DMD: variants seen among roughly 807,000 people sequenced by gnomAD.
DMD encodes the protein dystrophin, also known as mutant dystrophin.
Under a neutral mutation model 330.1 loss-of-function variants are expected in DMD, and 63 were observed. That is an observed-to-expected ratio of 0.19 (90% CI 0.16 to 0.24). DMD has a LOEUF of 0.24. Ranked by LOEUF, DMD falls within the 10% of genes least tolerant of loss-of-function variation. The pLI is 1.00. For missense variants in DMD, 3,344 were observed against 2,684.1 expected (o/e 1.25, Z -5.43); for synonymous variants, 1,223 against 959.8 (o/e 1.27, Z -5.07).
intron 33 of DMD, among the ~76,000 whole-genome samples, chrX:32,384,124 A>G (rs2097942752): frequency 1.8e-5 from 2 of 110,685 alleles, no homozygotes; most frequent in African/African-American, 6.5e-5. Context: ...AAAATTTATA[A>G]TTACAAAAAC....
rs141849060 is a variant in DMD at position 31,582,605 on chromosome X, T to C, written c.8217+45068A>G. Among the ~76,000 whole-genome samples, 776 of 112,201 alleles carry C rather than the reference T, an allele frequency of 6.9e-3. 7 individuals carry two copies. Among genetic ancestry groups the C allele is most frequent in the African/African-American group, 0.024 (746 of 30,918 alleles). ...GATACGAATAGTAATAGCATCATCA[T>C]CAGCAGTTATAGTGACTATTCTTTA... On this transcript the variant is annotated intron_variant, in intron 55 of 78. Transcript: ENST00000357033.
intron 29 of DMD, among the ~76,000 whole-genome samples, chrX:32,418,312 C>A (rs909281944): frequency 9.0e-6 from 1 of 111,329 alleles, no homozygotes; most frequent in African/African-American, 3.3e-5. Flanking sequence ...ACATCCAGAT[C>A]ATCTAGAATG....
At chrX:31,845,409 CT>C (rs1441115536) in intron 48 of DMD, among the ~76,000 whole-genome samples, 30 of 105,259 alleles carry the variant, frequency 2.9e-4, no homozygotes, top group African/African-American at 9.3e-4. Flanking sequence ...CTCTCTCTCT[CT>C]CTCTCTCTCT....
intron 52 of DMD, among the ~76,000 whole-genome samples, chrX:31,706,305 C>G (rs2053064824): frequency 1.8e-5 from 2 of 109,477 alleles, no homozygotes; most frequent in African/African-American, 3.3e-5. Context: ...AAGATTTCCA[C>G]TTAAAATTTA....
chrX:31,386,785 G>T (rs1305347447), intron 60 of DMD, among the ~76,000 whole-genome samples: 2 of 112,059 alleles, frequency 1.8e-5, no homozygotes, highest in Non-Finnish European at 3.8e-5. Flanking sequence ...TCAAGTAGTT[G>T]TGACTGTCAT....
chrX:31,929,944 G>A (rs1041308629), intron 46 of DMD, among the ~76,000 whole-genome samples, 199 bp from the exon 47 acceptor site: 1 of 111,355 alleles, frequency 9.0e-6, no homozygotes, highest in Non-Finnish European at 1.9e-5. Flanking sequence ...ATAAATCTCT[G>A]TAGAAAATAA....
chrX:33,111,467 A>G (rs1311863142), intron 1 of DMD, among the ~76,000 whole-genome samples: 1 of 112,266 alleles, frequency 8.9e-6, no homozygotes, highest in African/African-American at 3.2e-5. Flanking sequence ...ATAATCTGTG[A>G]TTGAATTTTT....
chrX:32,892,234 C>G, intron 2 of DMD, among the ~76,000 whole-genome samples: 1 of 112,142 alleles, frequency 8.9e-6, no homozygotes, highest in South Asian at 3.7e-4. Context: ...CTAGACAAAA[C>G]TCAGACACTT....
chrX:31,214,800 T>C (rs1437036682), intron 64 of DMD, among the ~76,000 whole-genome samples: 1 of 110,433 alleles, frequency 9.1e-6, no homozygotes, highest in East Asian at 2.8e-4. Flanking sequence ...ACTTCACAAG[T>C]TGGGGACTGT....
At chrX:32,668,143 A>G (rs2061426226) in intron 9 of DMD, among the ~76,000 whole-genome samples, 1 of 109,426 alleles carries the variant, frequency 9.1e-6, no homozygotes, top group African/African-American at 3.3e-5. Context: ...GGGAGACTCC[A>G]TCTCGGGAAA....
At chrX:31,645,390 A>G (rs1016578300) in intron 54 of DMD, among the ~76,000 whole-genome samples, 3 of 112,231 alleles carry the variant, frequency 2.7e-5, no homozygotes, top group African/African-American at 9.7e-5. Flanking sequence ...TAATTAATCA[A>G]TATTCCCAGA....
chrX:31,899,758 A>G (rs999065531), intron 47 of DMD, among the ~76,000 whole-genome samples: 1 of 111,269 alleles, frequency 9.0e-6, no homozygotes, highest in Non-Finnish European at 1.9e-5. Context: ...TTGTTTTAAT[A>G]TGTATATCCA....
chrX:31,275,156 TG>T (rs1285011161), intron 62 of DMD, among the ~76,000 whole-genome samples: 54 of 7,216 alleles, frequency 7.5e-3, no homozygotes, highest in Middle Eastern at 0.056. Context: ...AATCAGGTTT[TG>T]TGTGTGTGTG....
At chrX:31,932,292 G>A (rs779911057) in intron 45 of DMD, 65 bp from the exon 46 acceptor site, 7 of 868,126 alleles carry the variant, frequency 8.1e-6, no homozygotes, top group Non-Finnish European at 1.2e-5. Flanking sequence ...ATTTGTTAAT[G>A]CAAACTGGGA....
chrX:32,132,305 C>T (rs983306973), intron 44 of DMD, among the ~76,000 whole-genome samples: 5 of 111,547 alleles, frequency 4.5e-5, no homozygotes, highest in Non-Finnish European at 5.7e-5. Context: ...CTTCAGATGC[C>T]TTGAATTCAT....
At chrX:32,474,250 T>C (rs2040988106) in intron 21 of DMD, among the ~76,000 whole-genome samples, 1 of 109,144 alleles carries the variant, frequency 9.2e-6, no homozygotes, top group African/African-American at 3.5e-5. Flanking sequence ...CCACAGTTTC[T>C]TTAACCACTC....
chrX:31,752,110 G>C (rs747929847), intron 51 of DMD, among the ~76,000 whole-genome samples: 1 of 111,740 alleles, frequency 8.9e-6, no homozygotes, highest in Non-Finnish European at 1.9e-5. Context: ...TACATTGGGC[G>C]CACTGGGGTA....
intron 62 of DMD, chrX:31,261,374 G>A (rs1455128206): frequency 4.9e-6 from 1 of 205,484 alleles, no homozygotes; most frequent in Non-Finnish European, 8.9e-6. Context: ...CTACAGAAAG[G>A]ACACCGACAA....
chrX:32,820,955 T>C (rs1227247869), intron 5 of DMD, among the ~76,000 whole-genome samples: 1 of 111,712 alleles, frequency 9.0e-6, no homozygotes, highest in Non-Finnish European at 1.9e-5. Flanking sequence ...TGAGAAGTAC[T>C]GAGCAACATA....
Sources: gnomAD v4.1 joint callset for allele counts (sites outside exome capture counted in the v4.1 genomes callset) on GRCh38, gnomAD v4.1.1 for gene constraint, MANE v1.5 for transcripts, NCBI Gene and HGNC (gene_info 2026-07-23, HGNC 2026-07-21) for gene names.